SYNDIG1L: variants seen among roughly 807,000 people sequenced by gnomAD.
SYNDIG1L encodes synapse differentiation inducing 1 like.
In SYNDIG1L, 13 loss-of-function variants were observed where a neutral mutation model predicts 20.1. The ratio of observed to expected loss-of-function variants is 0.65; its 90% CI spans 0.42 to 1.03. The LOEUF (loss-of-function observed/expected upper bound fraction) is 1.03. Ranked by LOEUF, SYNDIG1L falls within the 50% of genes least tolerant of loss-of-function variation. SYNDIG1L has a pLI of 0.00. For synonymous variants in SYNDIG1L, 128 were observed against 129.3 expected, an observed-to-expected ratio of 0.99 and a Z score of 0.07; for missense variants, 294 against 305.1, an observed-to-expected ratio of 0.96 and a Z score of 0.27.
intron 1 of SYNDIG1L, among the ~76,000 whole-genome samples, chr14:74,418,295 G>T (rs1015007246): frequency 6.6e-6 from 1 of 152,196 alleles, no homozygotes; most frequent in African/African-American, 2.4e-5. Context: ...AGAGCCAGGG[G>T]TGGCGAGGGG....
the SYNDIG1L span, among the ~76,000 whole-genome samples, chr14:74,437,659 C>T: frequency 4.6e-5 from 7 of 152,198 alleles, no homozygotes; most frequent in Non-Finnish European, 8.8e-5. Context: ...AGATAAGAAA[C>T]ACATTTATTT....
rs1420449274 is a variant in SYNDIG1L, at chr14:74,406,280, C to T, written c.*1255G>A. 2.5e-6 allele frequency: 1 copy of T among 393,824 alleles called. No individual in the cohort carries two copies. The highest frequency in any genetic ancestry group is 4.5e-6 in the Non-Finnish European group (1 of 223,732). The allele number at this position is 393,824 out of a possible 1,614,324, so 24.4% of individuals were successfully genotyped here. On this transcript the variant is annotated 3_prime_UTR_variant, in exon 4 of 4. Transcript: ENST00000331628. ...TACCCACCACTGACCCCCTAGCATT[C>T]AGAGATGGGAAAACATCATTGGTCT...
the SYNDIG1L span, among the ~76,000 whole-genome samples, chr14:74,468,405 G>A: frequency 6.6e-6 from 1 of 152,044 alleles, no homozygotes; most frequent in Admixed American, 6.5e-5. Flanking sequence ...TTGCATCTGG[G>A]AAGGCCAGGG....
At chr14:74,422,655 A>ACT (rs748307652) in intron 1 of SYNDIG1L, among the ~76,000 whole-genome samples, 1 of 138,298 alleles carries the variant, frequency 7.2e-6, no homozygotes, top group African/African-American at 2.6e-5. Flanking sequence ...CTCTCTCTTC[A>ACT]CACACACACA....
chr14:74,435,997 C>T, the SYNDIG1L span, among the ~76,000 whole-genome samples: 35 of 152,252 alleles, frequency 2.3e-4, no homozygotes, highest in Non-Finnish European at 4.1e-4. Context: ...GGCCTCAAAC[C>T]CATTATCACT....
At chr14:74,479,947 G>C in the SYNDIG1L span, 1 of 1,278,258 alleles carries the variant, frequency 7.8e-7, no homozygotes, top group Non-Finnish European at 1.0e-6. Context: ...ACATGCAGAA[G>C]ACAAGACAAA....
chr14:74,420,531 AG>A (rs2139629850), intron 1 of SYNDIG1L, among the ~76,000 whole-genome samples: 1 of 152,202 alleles, frequency 6.6e-6, no homozygotes, highest in South Asian at 2.1e-4. Flanking sequence ...ACTAGAAGTG[AG>A]GAAGAGGAAG....
intron 1 of SYNDIG1L, among the ~76,000 whole-genome samples, chr14:74,416,674 A>AAAC (rs2086178059): frequency 2.7e-5 from 4 of 149,232 alleles, no homozygotes; most frequent in African/African-American, 1.0e-4. Context: ...AACAAACAAA[A>AAAC]AAGATAGATT....
the SYNDIG1L span, among the ~76,000 whole-genome samples, chr14:74,446,016 TG>T: frequency 6.6e-6 from 1 of 152,198 alleles, no homozygotes; most frequent in Non-Finnish European, 1.5e-5. Context: ...CTTCTATTTC[TG>T]GAAATATGAA....
chr14:74,423,129 G>A (rs2086237275), intron 1 of SYNDIG1L, among the ~76,000 whole-genome samples: 1 of 152,074 alleles, frequency 6.6e-6, no homozygotes, highest in Non-Finnish European at 1.5e-5. Context: ...CCTTGTAGAA[G>A]GGCCCAGAAT....
chr14:74,417,340 C>T (rs1441034983), intron 1 of SYNDIG1L, among the ~76,000 whole-genome samples: 1 of 152,204 alleles, frequency 6.6e-6, no homozygotes, highest in Non-Finnish European at 1.5e-5. Flanking sequence ...AGGAGGGTTG[C>T]TGTGTGCACT....
Position 74,409,680 on chromosome 14 carries a change from G to A in SYNDIG1L, c.65C>T (p.Pro22Leu). Residue 22 changes from proline to leucine, a missense_variant, in exon 2 of 4, where the codon CCC (proline) becomes CTC (leucine). Physicochemically the swap from Pro to Leu is moderately conservative, Grantham distance 98. Coordinates refer to ENST00000331628, the MANE Select transcript of SYNDIG1L (RefSeq NM_001105579.2). ...LPRSPAHLHG[P>L]YPYPETPPSW... is the part of the protein sequence containing the mutation. ...GGGTGGGGTCTCCGGGTAGGGATAG[G>A]GGCCATGGAGATGGGCAGGGCTCCT... 6.7e-7 allele frequency: 1 copy of A among 1,485,814 alleles called. No individual in the cohort carries two copies. The highest frequency in any genetic ancestry group is 1.4e-5 in the South Asian group (1 of 69,274). The allele number at this position is 1,485,814 out of a possible 1,614,324, so 92.0% of individuals were successfully genotyped here.
chr14:74,415,440 GC>G (rs2086166757), intron 1 of SYNDIG1L, among the ~76,000 whole-genome samples: 1 of 152,202 alleles, frequency 6.6e-6, no homozygotes, highest in African/African-American at 2.4e-5. Flanking sequence ...TGTTGATGCT[GC>G]TGCTGGTTGA....
At position 74,409,796 on chromosome 14, in the gene SYNDIG1L, C is replaced by T; in HGVS notation, c.-52G>A. The T allele has an allele frequency of 7.1e-7, 1 of 1,403,408 alleles. No individual in the cohort carries two copies. Among genetic ancestry groups the T allele is most frequent in the Non-Finnish European group, 9.3e-7 (1 of 1,074,506 alleles). 86.9% of individuals were successfully genotyped at this position (1,403,408 alleles called of 1,614,324 possible). On this transcript the variant is annotated 5_prime_UTR_variant, in exon 2 of 4. An upstream open reading frame in the 5' UTR loses its in-frame stop. Transcript: ENST00000331628. Reference sequence around the variant, plus strand: ...GGGCCTGGGCCAGCTGAGCAGTCCTCAGAGCCTGTCAGAAGAGCAAGACAG... The same window carrying T: ...GGGCCTGGGCCAGCTGAGCAGTCCTTAGAGCCTGTCAGAAGAGCAAGACAG...
At chr14:74,446,422 A>G in the SYNDIG1L span, among the ~76,000 whole-genome samples, 1 of 152,182 alleles carries the variant, frequency 6.6e-6, no homozygotes, top group East Asian at 1.9e-4. Flanking sequence ...AGAAAAATTC[A>G]ATTAATGCAA....
the SYNDIG1L span, among the ~76,000 whole-genome samples, chr14:74,447,286 A>G: frequency 6.6e-6 from 1 of 152,180 alleles, no homozygotes; most frequent in Non-Finnish European, 1.5e-5. Context: ...TTGGAAACTT[A>G]CATGTTTCTA....
the SYNDIG1L span, among the ~76,000 whole-genome samples, chr14:74,440,516 T>TAAAAAAAAAAA: frequency 1.6e-4 from 16 of 97,216 alleles, no homozygotes; most frequent in African/African-American, 7.3e-4. Context: ...CTCCGTCTCA[T>TAAAAAAAAAAA]AAAAAAAAAA....
chr14:74,435,082 CAAAAAAAAAAAAAAAA>C, the SYNDIG1L span, among the ~76,000 whole-genome samples: 70 of 54,982 alleles, frequency 1.3e-3, no homozygotes, highest in Admixed American at 7.3e-3. Context: ...GACTCCGTCT[CAAAAAAAAAAAAAAAA>C]AAAAAAAAAA....
chr14:74,418,716 T>C (rs1300437161), intron 1 of SYNDIG1L, among the ~76,000 whole-genome samples: 2 of 152,112 alleles, frequency 1.3e-5, no homozygotes, highest in African/African-American at 2.4e-5. Context: ...ATTCTGTAAG[T>C]AGTTGGATGA....
Sources: allele counts gnomAD v4.1 joint callset (sites outside exome capture counted in the v4.1 genomes callset), GRCh38; gene constraint gnomAD v4.1.1; transcripts MANE v1.5; gene names NCBI Gene and HGNC (gene_info 2026-07-23, HGNC 2026-07-21).